The following MAPK9 variants were observed in gnomAD, a reference collection of about 807,000 sequenced individuals.
MAPK9 encodes the protein Jun kinase.
In MAPK9, 30 loss-of-function variants were observed where a neutral mutation model predicts 57.1. The ratio of observed to expected loss-of-function variants is 0.53; its 90% CI spans 0.39 to 0.71. The LOEUF is 0.71. Among genes scored for constraint, MAPK9 ranks in the 30% least tolerant of loss-of-function variants. The pLI is 0.00. For synonymous variants in MAPK9, 155 were observed against 177.0 expected, an observed-to-expected ratio of 0.88 and a Z score of 0.99; for missense variants, 362 against 521.0, an observed-to-expected ratio of 0.69 and a Z score of 2.97.
At chr5:180,270,206 A>G (rs929433404) in intron 2 of MAPK9, among the ~76,000 whole-genome samples, 15 of 152,230 alleles carry the variant, frequency 9.9e-5, no homozygotes, top group African/African-American at 3.6e-4. Context: ...AGGCCACCTG[A>G]GAACCTAAGC....
chr5:180,248,302 G>A (rs1333741201), intron 6 of MAPK9, among the ~76,000 whole-genome samples: 1 of 152,268 alleles, frequency 6.6e-6, no homozygotes, highest in Admixed American at 6.5e-5. Context: ...GGAAGCACAT[G>A]AAGCTGTGCC....
At chr5:180,254,182 G>A (rs1403605141) in intron 5 of MAPK9, among the ~76,000 whole-genome samples, 1 of 152,130 alleles carries the variant, frequency 6.6e-6, no homozygotes, top group Non-Finnish European at 1.5e-5. Context: ...GACCAGGCTG[G>A]TGTCGAACTC....
At chr5:180,254,380 G>A (rs1391000781) in intron 5 of MAPK9, among the ~76,000 whole-genome samples, 1 of 152,190 alleles carries the variant, frequency 6.6e-6, no homozygotes, top group Admixed American at 6.5e-5. Context: ...AGACAATGCA[G>A]GGAGTGATAA....
Position 180,241,161 on chromosome 5 carries a change from G to A in MAPK9, c.872-6C>T, listed in dbSNP as rs772920326. ...CAGATCTCTGGCTTGACTTGCTAGG[G>A]TGACAACAAATATTAAATTAATGCT... On this transcript the variant is annotated splice_region_variant and splice_polypyrimidine_tract_variant and intron_variant, in intron 8 of 11. Coordinates refer to ENST00000452135, the MANE Select transcript of MAPK9 (RefSeq NM_002752.5). The A allele has an allele frequency of 1.9e-6, 3 of 1,608,998 alleles. No individual in the cohort carries two copies. Among genetic ancestry groups the A allele is most frequent in the East Asian group, 2.2e-5 (1 of 44,788 alleles).
At chr5:180,258,690 C>T (rs1287729360) in intron 5 of MAPK9, among the ~76,000 whole-genome samples, 1 of 151,718 alleles carries the variant, frequency 6.6e-6, no homozygotes, top group African/African-American at 2.4e-5. Context: ...TCAGTTACCT[C>T]CAAACACATG....
chr5:180,259,492 C>T (rs1316481857), intron 5 of MAPK9, among the ~76,000 whole-genome samples: 1 of 152,032 alleles, frequency 6.6e-6, no homozygotes, highest in African/African-American at 2.4e-5. Context: ...TTCAGACATT[C>T]CAGTTCTCTA....
chr5:180,253,963 C>CTTTTTTTTTT (rs5873681), intron 5 of MAPK9, among the ~76,000 whole-genome samples: 2 of 109,356 alleles, frequency 1.8e-5, no homozygotes, highest in Admixed American at 1.1e-4. Flanking sequence ...GCTTCAATCT[C>CTTTTTTTTTT]TTTTTTTTTT....
intron 3 of MAPK9, among the ~76,000 whole-genome samples, chr5:180,266,600 G>T (rs1345713264): frequency 6.6e-6 from 1 of 151,802 alleles, no homozygotes; most frequent in African/African-American, 2.4e-5. Flanking sequence ...TTACAGGTGT[G>T]AGCCACAGCG....
chr5:180,239,818 G>GTT (rs1757503118), intron 10 of MAPK9, 106 bp downstream of exon 10: 1 of 1,104,892 alleles, frequency 9.1e-7, no homozygotes. Flanking sequence ...GGGTCGCAGG[G>GTT]TTTCTTGCCC....
At chr5:180,243,940 C>A (rs565113832) in intron 7 of MAPK9, among the ~76,000 whole-genome samples, 3 of 152,132 alleles carry the variant, frequency 2.0e-5, no homozygotes, top group Non-Finnish European at 4.4e-5. Context: ...CTCCACCTCC[C>A]GGGCTCAAGT....
At chr5:180,261,516 C>A (rs989456058) in intron 5 of MAPK9, among the ~76,000 whole-genome samples, 168 bp downstream of exon 5, 1 of 152,208 alleles carries the variant, frequency 6.6e-6, no homozygotes, top group Non-Finnish European at 1.5e-5. Context: ...GCAGGCCAGG[C>A]GGCTCCACAG....
intron 7 of MAPK9, among the ~76,000 whole-genome samples, chr5:180,244,318 C>T (rs1193782101): frequency 6.6e-6 from 1 of 152,196 alleles, no homozygotes; most frequent in African/African-American, 2.4e-5. Context: ...GACAAGCTCC[C>T]TCAACTCTTC....
chr5:180,242,380 C>T (rs1365897115), intron 8 of MAPK9, among the ~76,000 whole-genome samples, 193 bp downstream of exon 8: 1 of 152,198 alleles, frequency 6.6e-6, no homozygotes, highest in African/African-American at 2.4e-5. Context: ...CCAAAGGCTT[C>T]AATTAAGCCG....
chr5:180,252,329 C>T (rs1175914479), intron 5 of MAPK9, among the ~76,000 whole-genome samples: 1 of 152,174 alleles, frequency 6.6e-6, no homozygotes, highest in South Asian at 2.1e-4. Flanking sequence ...AACAACTGCA[C>T]CTTGACATGC....
Position 180,247,599 on chromosome 5 carries a change from CA to C in MAPK9, c.617-90del. On this transcript the variant is annotated intron_variant, in intron 6 of 11. Coordinates refer to ENST00000452135, the MANE Select transcript of MAPK9 (RefSeq NM_002752.5). The surrounding 1 kb of genome is among the most constrained non-coding windows in gnomAD (Gnocchi z 4.5). ...GAATTCTAACAGTGCACTAAACACA[CA>C]AATATGGAAAAATAAATTGCTAGCT... 1 of 1,159,862 alleles carries C rather than the reference CA, an allele frequency of 8.6e-7. No homozygotes were observed. The highest frequency in any genetic ancestry group is 1.3e-5 in the South Asian group (1 of 77,256). 71.8% of individuals were successfully genotyped at this position (1,159,862 alleles called of 1,614,324 possible).
intron 5 of MAPK9, among the ~76,000 whole-genome samples, chr5:180,261,079 A>G (rs1444471554): frequency 6.6e-6 from 1 of 152,220 alleles, no homozygotes; most frequent in Non-Finnish European, 1.5e-5. Flanking sequence ...TTTTCCTGAC[A>G]GTACAGTCAC....
Position 180,261,708 on chromosome 5 carries a change from C to A in MAPK9, c.426G>T (p.Leu142=), listed in dbSNP as rs745882833. ...LYQMLCGIKH[L]HSAGIIHRDL... is the part of the protein sequence containing the mutation. ...CTCTATGAATTATACCAGCTGAATG[C>A]AGATGTTTAATACCACAAAGCATCT... Residue 142 remains leucine (L), a synonymous_variant, in exon 5 of 12, where the codon CTG becomes CTT. Transcript: ENST00000452135. The A allele has an allele frequency of 6.8e-6, 11 of 1,611,576 alleles. No homozygotes were observed. Among genetic ancestry groups the A allele is most frequent in the Non-Finnish European group, 7.6e-6 (9 of 1,178,808 alleles).
chr5:180,243,761 C>T (rs35307235), intron 7 of MAPK9, among the ~76,000 whole-genome samples: 1,663 of 152,318 alleles, frequency 0.011, 29 homozygotes, highest in African/African-American at 0.037. Context: ...CTGGTTCATA[C>T]ATATTGTCAA....
At chr5:180,274,790 A>G (rs904054228) in intron 2 of MAPK9, among the ~76,000 whole-genome samples, 5 of 152,176 alleles carry the variant, frequency 3.3e-5, no homozygotes. Context: ...AGTTTGTGTT[A>G]ATGTGTTATG....
Sources: allele counts gnomAD v4.1 joint callset (sites outside exome capture counted in the v4.1 genomes callset), GRCh38; gene constraint gnomAD v4.1.1; non-coding constraint Gnocchi (gnomAD v3.1); transcripts MANE v1.5; gene names NCBI Gene and HGNC (gene_info 2026-07-23, HGNC 2026-07-21).